NAV3: variants seen among roughly 807,000 people sequenced by gnomAD.
NAV3 encodes pore membrane and/or filament interacting like protein 1.
A neutral mutation model predicts 244.7 loss-of-function variants in NAV3; 87 were observed. The observed-to-expected ratio is 0.36, with a 90% CI of 0.30 to 0.42. NAV3 has a LOEUF of 0.42. NAV3 is among the 20% of genes least tolerant of loss of function. The pLI is 1.00. For synonymous variants in NAV3, 1,126 were observed against 1,042.2 expected (o/e 1.08, Z -1.55); for missense variants, 2,663 against 2,893.3 (o/e 0.92, Z 1.83).
intron 33 of NAV3, among the ~76,000 whole-genome samples, chr12:78,189,727 CAA>C (rs998520844): frequency 3.3e-5 from 5 of 151,712 alleles, no homozygotes; most frequent in African/African-American, 9.7e-5. Context: ...TAAATGAAAA[CAA>C]GAAGTAGACA....
intron 2 of NAV3, among the ~76,000 whole-genome samples, chr12:77,587,304 A>G (rs1215456912): frequency 6.6e-6 from 1 of 152,216 alleles, no homozygotes; most frequent in Non-Finnish European, 1.5e-5. Flanking sequence ...GTATCAGGAC[A>G]AAAGTATTGA....
chr12:77,925,635 C>T (rs1888132243), intron 1 of NAV3, among the ~76,000 whole-genome samples: 1 of 152,074 alleles, frequency 6.6e-6, no homozygotes, highest in African/African-American at 2.4e-5. Context: ...AGCAGCATCG[C>T]TTTGCGGTTT....
At chr12:77,833,906 A>C (rs1592731856) in intron 1 of NAV3, among the ~76,000 whole-genome samples, 1 of 152,034 alleles carries the variant, frequency 6.6e-6, no homozygotes, top group African/African-American at 2.4e-5. Flanking sequence ...TCTGCAGTCG[A>C]TGGCCTGCCG....
intron 20 of NAV3, chr12:78,145,046 C>A: frequency 3.2e-6 from 1 of 309,188 alleles, no homozygotes; most frequent in Non-Finnish European, 6.5e-6. Flanking sequence ...TGTTTTAAGG[C>A]AATGAAACTT....
upstream of NAV3, among the ~76,000 whole-genome samples, chr12:77,830,485 A>G (rs192096614): frequency 4.3e-4 from 66 of 152,354 alleles, no homozygotes; most frequent in East Asian, 0.012. Flanking sequence ...GCTTTGTAAT[A>G]CATTCCACAT....
At chr12:78,159,434 TG>T in intron 23 of NAV3, 148 bp downstream of exon 23, 2 of 658,200 alleles carry the variant, frequency 3.0e-6, no homozygotes, top group Non-Finnish European at 5.0e-6. Context: ...GAGACCAAGG[TG>T]GGTGGATCAC....
At chr12:78,083,650 G>A (rs1953475919) in intron 12 of NAV3, among the ~76,000 whole-genome samples, 1 of 152,134 alleles carries the variant, frequency 6.6e-6, no homozygotes, top group Non-Finnish European at 1.5e-5. Context: ...CACTCCCACT[G>A]TCACACCCTG....
chr12:77,633,457 A>AT (rs1301657119), intron 2 of NAV3, among the ~76,000 whole-genome samples: 1 of 152,060 alleles, frequency 6.6e-6, no homozygotes, highest in African/African-American at 2.4e-5. Context: ...TAAAACGGGC[A>AT]TTTTTCCCTT....
At chr12:78,190,610 A>G (rs570601906) in intron 34 of NAV3, among the ~76,000 whole-genome samples, 72 of 152,184 alleles carry the variant, frequency 4.7e-4, no homozygotes, top group African/African-American at 1.7e-3. Flanking sequence ...TTGGATCTTA[A>G]TAGATAAGTA....
chr12:77,964,268 T>C (rs138174553), intron 3 of NAV3, among the ~76,000 whole-genome samples: 1 of 152,256 alleles, frequency 6.6e-6, no homozygotes, highest in East Asian at 1.9e-4. Flanking sequence ...TCTGTTCATG[T>C]ATAATATGAG....
At chr12:77,662,227 G>GTCTATCTA (rs71088326) in intron 2 of NAV3, among the ~76,000 whole-genome samples, 41,153 of 145,584 alleles carry the variant, frequency 0.28, 5,768 homozygotes, top group East Asian at 0.38. Flanking sequence ...ATATCTATCT[G>GTCTATCTA]TCTATCTATC....
At chr12:78,012,774 T>C (rs1273788968) in intron 8 of NAV3, among the ~76,000 whole-genome samples, 1 of 152,156 alleles carries the variant, frequency 6.6e-6, no homozygotes, top group Non-Finnish European at 1.5e-5. Flanking sequence ...CCTCTTGTAT[T>C]TTCTTTACAC....
At chr12:77,631,358 A>G (rs1256116365) in intron 2 of NAV3, among the ~76,000 whole-genome samples, 8 of 147,600 alleles carry the variant, frequency 5.4e-5, no homozygotes, top group Admixed American at 2.6e-4. Flanking sequence ...ATCATGGAAA[A>G]AGAAAAAAAG....
At chr12:78,103,746 A>G (rs191208654) in intron 12 of NAV3, among the ~76,000 whole-genome samples, 1 of 152,324 alleles carries the variant, frequency 6.6e-6, no homozygotes, top group Non-Finnish European at 1.5e-5. Flanking sequence ...GAAATCCCTG[A>G]TAAAACCATC....
intron 1 of NAV3, among the ~76,000 whole-genome samples, chr12:77,847,691 C>T (rs1375477750): frequency 2.0e-5 from 3 of 152,280 alleles, no homozygotes; most frequent in South Asian, 2.1e-4. Context: ...TCTTCTGTAG[C>T]CTTGATCAAA....
chr12:77,619,639 T>C (rs976774014), intron 2 of NAV3, among the ~76,000 whole-genome samples: 1 of 152,160 alleles, frequency 6.6e-6, no homozygotes, highest in African/African-American at 2.4e-5. Flanking sequence ...TAATTGTTTT[T>C]GGACTATTGA....
chr12:77,816,589 G>T (rs1251838936), intron 2 of NAV3, among the ~76,000 whole-genome samples: 1 of 152,170 alleles, frequency 6.6e-6, no homozygotes, highest in Non-Finnish European at 1.5e-5. Flanking sequence ...CATGGTGCTT[G>T]GTTGTGAACT....
At chr12:77,974,984 C>T (rs1868280081) in intron 5 of NAV3, among the ~76,000 whole-genome samples, 2 of 147,926 alleles carry the variant, frequency 1.4e-5, no homozygotes, top group South Asian at 2.2e-4. Context: ...ACTGTTCTCC[C>T]TTTTCTCTCT....
intron 2 of NAV3, among the ~76,000 whole-genome samples, chr12:77,780,553 A>G (rs1335121874): frequency 6.6e-6 from 1 of 152,188 alleles, no homozygotes; most frequent in Non-Finnish European, 1.5e-5. Context: ...CAGATGAGCT[A>G]GTGGAAAAGT....
Sources: gnomAD v4.1 joint callset for allele counts (sites outside exome capture counted in the v4.1 genomes callset) on GRCh38, gnomAD v4.1.1 for gene constraint, MANE v1.5 for transcripts, NCBI Gene and HGNC (gene_info 2026-07-23, HGNC 2026-07-21) for gene names.